CEP85L: variants seen among roughly 807,000 people sequenced by gnomAD.
The protein encoded by CEP85L is centrosomal protein of 85 kDa-like.
A neutral mutation model predicts 100.3 loss-of-function variants in CEP85L; 60 were observed. That is an observed-to-expected ratio of 0.60 (90% CI 0.49 to 0.74). CEP85L has a LOEUF of 0.74. Among genes scored for constraint, CEP85L ranks in the 30% least tolerant of loss-of-function variants. The probability of loss-of-function intolerance (pLI) is 0.00; values close to 1 mark genes in which losing one functional copy is unlikely to be tolerated. For synonymous variants in CEP85L, 319 were observed against 322.7 expected (o/e 0.99, Z 0.12); for missense variants, 973 against 936.2 (o/e 1.04, Z -0.51).
intron 2 of CEP85L, among the ~76,000 whole-genome samples, chr6:118,626,426 G>A (rs1773800021): frequency 6.6e-6 from 1 of 152,038 alleles, no homozygotes; most frequent in South Asian, 2.1e-4. Context: ...AACATAGTTC[G>A]TTAAGTTCTA....
chr6:118,584,186 A>G (rs1780731290), intron 2 of CEP85L, among the ~76,000 whole-genome samples: 1 of 152,220 alleles, frequency 6.6e-6, no homozygotes. Flanking sequence ...TCAGGAAGGC[A>G]CTGAAGCTCT....
intron 12 of CEP85L, among the ~76,000 whole-genome samples, chr6:118,467,629 C>G (rs1055344425): frequency 1.3e-5 from 2 of 152,256 alleles, no homozygotes; most frequent in African/African-American, 4.8e-5. Context: ...CTCTACTACT[C>G]TATTACTGAA....
chr6:118,513,922 A>C (rs1275350446), intron 4 of CEP85L, among the ~76,000 whole-genome samples: 2 of 151,516 alleles, frequency 1.3e-5, no homozygotes, highest in Non-Finnish European at 2.9e-5. Flanking sequence ...TGTTTGAGGC[A>C]AAAAAAAATT....
At chr6:118,469,550 T>C (rs1336580108) in intron 11 of CEP85L, among the ~76,000 whole-genome samples, 1 of 152,178 alleles carries the variant, frequency 6.6e-6, no homozygotes, top group Non-Finnish European at 1.5e-5. Context: ...GGAGGAAACA[T>C]AAATCCAGTC....
intron 1 of CEP85L, among the ~76,000 whole-genome samples, chr6:118,681,675 G>A (rs1776663541): frequency 6.6e-6 from 1 of 151,594 alleles, no homozygotes; most frequent in Non-Finnish European, 1.5e-5. Context: ...TATCCCCAGT[G>A]AGGGTTTAGA....
chr6:118,696,960 C>T (rs902905374), intron 1 of CEP85L, among the ~76,000 whole-genome samples: 3 of 152,110 alleles, frequency 2.0e-5, no homozygotes, highest in Non-Finnish European at 4.4e-5. Flanking sequence ...CATCTTCACA[C>T]TAACATCTAA....
chr6:118,703,862 C>G (rs1365160810), intron 1 of CEP85L, among the ~76,000 whole-genome samples: 1 of 152,132 alleles, frequency 6.6e-6, no homozygotes, highest in Non-Finnish European at 1.5e-5. Flanking sequence ...ATCTGTATCT[C>G]ATTATTAATA....
intron 3 of CEP85L, among the ~76,000 whole-genome samples, chr6:118,548,001 CATT>C (rs375201865): frequency 1.2e-4 from 19 of 152,146 alleles, no homozygotes; most frequent in African/African-American, 4.6e-4. Flanking sequence ...ACATCTTCAC[CATT>C]AATATTCAAT....
At chr6:118,532,308 T>C (rs1459389561) in intron 3 of CEP85L, among the ~76,000 whole-genome samples, 1 of 151,876 alleles carries the variant, frequency 6.6e-6, no homozygotes, top group Non-Finnish European at 1.5e-5. Context: ...AAACATCGAA[T>C]ACACATGGAT....
intron 3 of CEP85L, among the ~76,000 whole-genome samples, chr6:118,545,591 T>A (rs2114901747): frequency 6.6e-6 from 1 of 152,040 alleles, no homozygotes; most frequent in Middle Eastern, 3.4e-3. Flanking sequence ...CGCACCCCCT[T>A]CCAAAAAAAA....
intron 1 of CEP85L, chr6:118,709,985 C>T (rs761673823): frequency 2.0e-5 from 3 of 152,028 alleles, no homozygotes; most frequent in Non-Finnish European, 2.9e-5. Context: ...TTGTCATCAT[C>T]TTTAAGAGAA....
chr6:118,468,830 A>G (rs1371226154), intron 12 of CEP85L, among the ~76,000 whole-genome samples: 1 of 152,214 alleles, frequency 6.6e-6, no homozygotes, highest in Non-Finnish European at 1.5e-5. Flanking sequence ...CTCTATTCAC[A>G]TATTTACAGA....
intron 1 of CEP85L, among the ~76,000 whole-genome samples, chr6:118,669,968 T>A (rs565266624): frequency 6.7e-6 from 1 of 150,222 alleles, no homozygotes; most frequent in South Asian, 2.2e-4. Context: ...CAACTTTGTA[T>A]CTTCGAGGTA....
chr6:118,570,086 A>G (rs1424434143), intron 2 of CEP85L, among the ~76,000 whole-genome samples: 2 of 152,220 alleles, frequency 1.3e-5, no homozygotes, highest in Admixed American at 1.3e-4. Context: ...ATATCTATAT[A>G]TAAATACATA....
intron 1 of CEP85L, among the ~76,000 whole-genome samples, chr6:118,694,055 A>T (rs1314906172): frequency 2.0e-5 from 3 of 152,122 alleles, no homozygotes; most frequent in African/African-American, 4.8e-5. Context: ...AACCCATAAA[A>T]ACAGTGACCA....
At chr6:118,555,218 T>A (rs897976828) in intron 3 of CEP85L, among the ~76,000 whole-genome samples, 3 of 151,854 alleles carry the variant, frequency 2.0e-5, no homozygotes, top group Non-Finnish European at 2.9e-5. Context: ...GATCACGAGG[T>A]CGGGAGATCG....
At chr6:118,533,662 C>T (rs753789107) in intron 3 of CEP85L, among the ~76,000 whole-genome samples, 1 of 152,122 alleles carries the variant, frequency 6.6e-6, no homozygotes, top group Non-Finnish European at 1.5e-5. Context: ...AAGAAAATGA[C>T]AAACCAACAT....
In CEP85L at chr6:118,461,573, G is replaced by A. The variant is rs772104458; in HGVS notation, c.*3832C>T. ...CTGCAATAGTGTTATTAGACTTGCT[G>A]ATTTAAAACTATATTCTTATATTTA... On this transcript the variant is annotated 3_prime_UTR_variant, in exon 13 of 13. Coordinates refer to ENST00000368491, the MANE Select transcript of CEP85L (RefSeq NM_001042475.3). 3 of 151,914 alleles carry A rather than the reference G, an allele frequency of 2.0e-5. No individual in the cohort carries two copies. Among genetic ancestry groups the A allele is most frequent in the Non-Finnish European group, 4.4e-5 (3 of 67,924 alleles). 9.4% of individuals were successfully genotyped at this position (151,914 alleles called of 1,614,324 possible).
intron 2 of CEP85L, among the ~76,000 whole-genome samples, chr6:118,623,875 G>A (rs1252147174): frequency 1.3e-5 from 2 of 152,204 alleles, no homozygotes; most frequent in Non-Finnish European, 2.9e-5. Flanking sequence ...AGATCTAGTA[G>A]TGGTCAAGTC....
Sources: allele counts gnomAD v4.1 joint callset (sites outside exome capture counted in the v4.1 genomes callset), GRCh38; gene constraint gnomAD v4.1.1; transcripts MANE v1.5; gene names NCBI Gene and HGNC (gene_info 2026-07-23, HGNC 2026-07-21).